The following NFIC variants were observed in gnomAD, a reference collection of about 807,000 sequenced individuals.
NFIC encodes the protein nuclear factor 1 C-type.
NFIC carries 12 observed loss-of-function variants against 54.4 expected under a neutral mutation model. The observed-to-expected ratio is 0.22, with a 90% CI of 0.14 to 0.36. The LOEUF is 0.36. Ranked by LOEUF, NFIC falls within the 10% of genes least tolerant of loss-of-function variation. The pLI is 1.00. For synonymous variants in NFIC, 322 were observed against 319.2 expected (o/e 1.01, Z -0.09); for missense variants, 575 against 718.2 (o/e 0.80, Z 2.28).
chr19:3,359,787 G>A (rs924577165), intron 1 of NFIC: 4 of 1,234,668 alleles, frequency 3.2e-6, no homozygotes, highest in African/African-American at 3.2e-5. Context: ...GGGGGCGGGG[G>A]CCGCCCGGAG....
At chr19:3,415,596 A>C (rs1207125917) in intron 2 of NFIC, among the ~76,000 whole-genome samples, 3 of 152,032 alleles carry the variant, frequency 2.0e-5, no homozygotes, top group Non-Finnish European at 4.4e-5. Flanking sequence ...ATGGGAACCC[A>C]GATCTGCTTC....
At chr19:3,394,977 A>T (rs536681745) in intron 2 of NFIC, among the ~76,000 whole-genome samples, 1 of 152,254 alleles carries the variant, frequency 6.6e-6, no homozygotes, top group Admixed American at 6.5e-5. Flanking sequence ...CTGCTGTTCC[A>T]GAGAATTCGG....
In NFIC at chr19:3,394,528, C is replaced by CCCT. The variant is rs1222472030; in HGVS notation, c.562+12286_562+12287insCTC. Among the ~76,000 whole-genome samples the CCCT allele has an allele frequency of 1.0e-4, 7 of 69,984 alleles. 1 individual carries two copies. Among genetic ancestry groups the CCCT allele is most frequent in the Admixed American group, 7.8e-4 (5 of 6,390 alleles). 45.9% of individuals were successfully genotyped at this position (69,984 alleles called of 152,430 possible). A position where few individuals can be genotyped will look rare whatever the true frequency, so the allele number is the denominator to read the frequency against. On this transcript the variant is annotated intron_variant, in intron 2 of 10. Transcript: ENST00000443272. ...TTATGATCTTTTCCCCACCCACCCCCCACCCGCTTACACTAAGTCTGAAAT... is the reference window on the plus strand; with the variant it reads ...TTATGATCTTTTCCCCACCCACCCCCCCTCACCCGCTTACACTAAGTCTGAAAT...
In NFIC at chr19:3,464,220, C is replaced by A; in HGVS notation, c.*1451C>A. The A allele has an allele frequency of 1.0e-6, 1 of 985,416 alleles. No homozygotes were observed. The highest frequency in any genetic ancestry group is 5.2e-4 in the Middle Eastern group (1 of 1,914). 61.0% of individuals were successfully genotyped at this position (985,416 alleles called of 1,614,324 possible). The stretch of plus-strand genomic sequence containing the variant: ...TGCGGGACGTGCATCACGGCTGGGC[C>A]CCCAGAGGAGAGAGGAGGCCGACGC... On this transcript the variant is annotated 3_prime_UTR_variant, in exon 11 of 11. Transcript: ENST00000443272.
At chr19:3,372,347 C>T (rs1011659854) in intron 1 of NFIC, among the ~76,000 whole-genome samples, 1 of 152,116 alleles carries the variant, frequency 6.6e-6, no homozygotes, top group African/African-American at 2.4e-5. Context: ...CCCTGCCCAG[C>T]CCTGTCCAGG....
At chr19:3,380,306 G>GTTTT (rs1271994457) in intron 1 of NFIC, among the ~76,000 whole-genome samples, 1 of 88,934 alleles carries the variant, frequency 1.1e-5, no homozygotes, top group African/African-American at 5.3e-5. Context: ...GCCCAGCCTT[G>GTTTT]TTCTTTTTTT....
At chr19:3,364,745 G>A (rs1385980789), upstream of NFIC, among the ~76,000 whole-genome samples, 1 of 152,178 alleles carries the variant, frequency 6.6e-6, no homozygotes, top group Non-Finnish European at 1.5e-5. Flanking sequence ...CAGGCAGGGT[G>A]GTCTGTACAG....
chr19:3,421,660 T>C (rs762796961), intron 2 of NFIC, among the ~76,000 whole-genome samples: 6 of 152,236 alleles, frequency 3.9e-5, no homozygotes, highest in African/African-American at 1.4e-4. Flanking sequence ...TGGCAATCAG[T>C]GGGTGCTGGA....
chr19:3,392,352 G>A (rs1376382970), intron 2 of NFIC, among the ~76,000 whole-genome samples: 2 of 152,128 alleles, frequency 1.3e-5, no homozygotes, highest in Non-Finnish European at 2.9e-5. Context: ...GACTACAGGC[G>A]TGAGCCACCG....
intron 2 of NFIC, among the ~76,000 whole-genome samples, chr19:3,384,514 C>T (rs1014334993): frequency 1.3e-5 from 2 of 152,070 alleles, no homozygotes; most frequent in African/African-American, 4.8e-5. Context: ...TTTGCCTCCC[C>T]AGTAGCTGGG....
chr19:3,372,693 A>C (rs928786879), intron 1 of NFIC, among the ~76,000 whole-genome samples: 1 of 131,894 alleles, frequency 7.6e-6, no homozygotes, highest in Non-Finnish European at 1.6e-5. Flanking sequence ...CTGTTTGCTC[A>C]AGGGGCCCAG....
intron 6 of NFIC, among the ~76,000 whole-genome samples, chr19:3,438,229 C>G (rs1201619435): frequency 2.6e-5 from 4 of 151,980 alleles, no homozygotes; most frequent in Non-Finnish European, 5.9e-5. Context: ...ACTTTTCTGC[C>G]CGGCTGCTCA....
chr19:3,422,108 G>A (rs1412098479), intron 2 of NFIC, among the ~76,000 whole-genome samples: 1 of 151,978 alleles, frequency 6.6e-6, no homozygotes, highest in African/African-American at 2.4e-5. Flanking sequence ...GGCTAATTTT[G>A]TATTTTTGGT....
At position 3,456,003 on chromosome 19, in the gene NFIC, G is replaced by C. The variant is rs1358738646; in HGVS notation, c.1424-547G>C. Reference sequence around the variant, plus strand: ...TCTCCCCCTACCTGGGTCCCGGCCTGTCTGAGGCCCCCATCCCTGCTGTAG... The same window carrying C: ...TCTCCCCCTACCTGGGTCCCGGCCTCTCTGAGGCCCCCATCCCTGCTGTAG... On this transcript the variant is annotated intron_variant, in intron 9 of 10. Coordinates refer to ENST00000443272, the MANE Select transcript of NFIC (RefSeq NM_001245002.2). Among the ~76,000 whole-genome samples, 4 of 152,244 alleles carry C rather than the reference G, an allele frequency of 2.6e-5. No homozygotes were observed. The East Asian group carries it at 5.8e-4, about 22-fold the overall frequency.
intron 3 of NFIC, among the ~76,000 whole-genome samples, chr19:3,431,321 C>T (rs1238207409): frequency 2.0e-5 from 3 of 147,254 alleles, no homozygotes; most frequent in Admixed American, 6.8e-5. Flanking sequence ...ACCACTACTG[C>T]GCCCAGCCCA....
At chr19:3,379,057 T>G (rs1011598303) in intron 1 of NFIC, among the ~76,000 whole-genome samples, 2 of 152,112 alleles carry the variant, frequency 1.3e-5, no homozygotes, top group Middle Eastern at 3.4e-3. Context: ...CATTTTTTGT[T>G]TTTTTGTTTT....
chr19:3,449,547 G>A (rs2082425406), intron 7 of NFIC, among the ~76,000 whole-genome samples: 1 of 151,966 alleles, frequency 6.6e-6, no homozygotes, highest in Non-Finnish European at 1.5e-5. Context: ...ATCATCTGAG[G>A]TCAGGAGTTT....
rs529323501 is a variant in NFIC at position 3,433,846 on chromosome 19, T to G, written c.709+254T>G. Reference sequence around the variant, plus strand: ...GAAACTTCTGCCCCAGCATCCCTCCTCCTCCCTGGGGCCTCCACTGTCCTG... The same window carrying G: ...GAAACTTCTGCCCCAGCATCCCTCCGCCTCCCTGGGGCCTCCACTGTCCTG... On this transcript the variant is annotated intron_variant, in intron 4 of 10. Transcript: ENST00000443272. Among the ~76,000 whole-genome samples, 3 of 152,068 alleles carry G rather than the reference T, an allele frequency of 2.0e-5. No individual in the cohort carries two copies. The East Asian group carries it at 5.8e-4, about 29-fold the overall frequency.
chr19:3,452,751 C>G lies in NFIC; in HGVS notation c.1269+85C>G, dbSNP rs1471590100. 1 of 1,472,938 alleles carries G rather than the reference C, an allele frequency of 6.8e-7. No individual in the cohort carries two copies. The highest frequency in any genetic ancestry group is 2.1e-5 in the Admixed American group (1 of 46,686). The allele number at this position is 1,472,938 out of a possible 1,614,324, so 91.2% of individuals were successfully genotyped here. On this transcript the variant is annotated intron_variant, in intron 8 of 10. Coordinates refer to ENST00000443272, the MANE Select transcript of NFIC (RefSeq NM_001245002.2). This position sits in a 1 kb window ranked among gnomAD's most constrained non-coding sequence, Gnocchi z 5.3. ...CCACGTGCTCACACGAAGGCACAAC[C>G]TCTGCTTAAAAGGGTCTTGAGGACT...
Sources: allele counts gnomAD v4.1 joint callset (sites outside exome capture counted in the v4.1 genomes callset), GRCh38; gene constraint gnomAD v4.1.1; non-coding constraint Gnocchi (gnomAD v3.1); transcripts MANE v1.5; gene names NCBI Gene and HGNC (gene_info 2026-07-23, HGNC 2026-07-21).